Variants in RUNX1 observed in about 807,000 individuals in gnomAD.
RUNX1 encodes runt-related transcription factor 1.
RUNX1 carries 19 observed loss-of-function variants against 42.8 expected under a neutral mutation model. The ratio of observed to expected loss-of-function variants is 0.44; its 90% CI spans 0.31 to 0.65. The LOEUF is 0.65. Ranked by LOEUF, RUNX1 falls within the 30% of genes least tolerant of loss-of-function variation. RUNX1 has a pLI of 0.07. For missense variants in RUNX1, 528 were observed against 672.0 expected (o/e 0.79, Z 2.37); for synonymous variants, 271 against 289.4 (o/e 0.94, Z 0.64).
intron 7 of RUNX1, chr21:34,821,354 A>AT: frequency 8.3e-7 from 1 of 1,204,448 alleles, no homozygotes; most frequent in South Asian, 3.3e-5. Flanking sequence ...ATTTGATAAA[A>AT]ATATATCTCA....
intron 2 of RUNX1, among the ~76,000 whole-genome samples, chr21:34,895,396 T>C (rs2058121985): frequency 1.3e-5 from 2 of 152,084 alleles, no homozygotes; most frequent in Non-Finnish European, 2.9e-5. Flanking sequence ...AGTAAAGAAG[T>C]GTCATGGCTG....
chr21:34,855,392 A>G (rs2057481606), intron 6 of RUNX1, among the ~76,000 whole-genome samples: 2 of 152,144 alleles, frequency 1.3e-5, no homozygotes, highest in Admixed American at 1.3e-4. Context: ...GATCCTAGAA[A>G]TATAAAACAT....
At chr21:34,889,856 C>T in intron 3 of RUNX1, 2 of 1,092,826 alleles carry the variant, frequency 1.8e-6, no homozygotes, top group Non-Finnish European at 1.1e-6. Flanking sequence ...CCTCCACGCC[C>T]TCCCTGCCGG....
chr21:34,817,930 G>GT (rs1213172903), intron 7 of RUNX1, among the ~76,000 whole-genome samples: 34 of 152,218 alleles, frequency 2.2e-4, no homozygotes, highest in Non-Finnish European at 2.9e-4. Flanking sequence ...GTCTGCAGAC[G>GT]TAAGTCCTGG....
chr21:34,964,254 C>A (rs9981278), intron 2 of RUNX1, among the ~76,000 whole-genome samples: 2 of 151,956 alleles, frequency 1.3e-5, no homozygotes, highest in East Asian at 3.9e-4. Flanking sequence ...TATGGGAGGC[C>A]GAGGTGAGCA....
rs2056428952 is a variant in RUNX1 at position 34,791,181 on chromosome 21, A to C, written c.*954T>G. The C allele has an allele frequency of 8.6e-6, 2 of 233,474 alleles. No individual in the cohort carries two copies. The highest frequency in any genetic ancestry group is 1.8e-4 in the South Asian group (1 of 5,536). The allele number at this position is 233,474 out of a possible 1,614,324, so 14.5% of individuals were successfully genotyped here. On this transcript the variant is annotated 3_prime_UTR_variant, in exon 9 of 9. Transcript: ENST00000675419. ...CATGAAAGGGAGTTTAATGTAAACA[A>C]TACTTCTGGATAACCAAGCGATCAC...
chr21:35,014,814 T>A (rs1386564796), intron 2 of RUNX1, among the ~76,000 whole-genome samples: 2 of 152,204 alleles, frequency 1.3e-5, no homozygotes, highest in South Asian at 2.1e-4. Context: ...AGCCCTCAGC[T>A]CCCTGTAAAC....
intron 2 of RUNX1, among the ~76,000 whole-genome samples, chr21:35,004,172 T>C (rs933809406): frequency 6.6e-6 from 1 of 152,214 alleles, no homozygotes; most frequent in Non-Finnish European, 1.5e-5. Context: ...TGGTTATTCA[T>C]CGTGACTCTG....
intron 2 of RUNX1, among the ~76,000 whole-genome samples, chr21:35,004,678 T>C (rs1346778947): frequency 6.6e-6 from 1 of 152,250 alleles, no homozygotes; most frequent in Non-Finnish European, 1.5e-5. Context: ...ACCCCACTTC[T>C]AATGCTTCTG....
At chr21:34,878,305 C>T (rs1230777888) in intron 5 of RUNX1, among the ~76,000 whole-genome samples, 2 of 147,032 alleles carry the variant, frequency 1.4e-5, no homozygotes, top group African/African-American at 2.5e-5. Context: ...AGAGTCAAAT[C>T]GGGCCTTCAG....
chr21:34,799,755 T>C (rs2056582853), intron 7 of RUNX1, among the ~76,000 whole-genome samples: 1 of 152,200 alleles, frequency 6.6e-6, no homozygotes, highest in East Asian at 1.9e-4. Flanking sequence ...GGTAGAAGTA[T>C]TAATGTCCAG....
rs1289379828 is a variant in RUNX1 at position 34,880,615 on chromosome 21, G to A, written c.450C>T (p.Ala150=). The A allele has an allele frequency of 6.2e-7, 1 of 1,614,070 alleles. No individual in the cohort carries two copies. Among genetic ancestry groups the A allele is most frequent in the Admixed American group, 1.7e-5 (1 of 60,016 alleles). The change falls in exon 5 of 9, where the codon GCC becomes GCT. Residue 150 remains alanine, a synonymous_variant. Coordinates refer to ENST00000675419, the MANE Select transcript of RUNX1 (RefSeq NM_001754.5). ...YSAELRNATA[A]MKNQVARFND... is the part of the protein sequence containing the mutation. Reference sequence around the variant, plus strand: ...TAAATCTTGCAACCTGGTTCTTCATGGCTGCGGTAGCATTTCTCAGCTCAG... The same window carrying A: ...TAAATCTTGCAACCTGGTTCTTCATAGCTGCGGTAGCATTTCTCAGCTCAG...
intron 5 of RUNX1, among the ~76,000 whole-genome samples, chr21:34,877,413 C>T (rs755113404): frequency 5.3e-5 from 8 of 152,254 alleles, no homozygotes; most frequent in Non-Finnish European, 1.2e-4. Context: ...GCTCACATGA[C>T]CTCTGGAGTT....
At chr21:35,045,737 T>A (rs1417894506) in intron 2 of RUNX1, among the ~76,000 whole-genome samples, 1 of 152,198 alleles carries the variant, frequency 6.6e-6, no homozygotes, top group African/African-American at 2.4e-5. Flanking sequence ...AGAAGTGTCT[T>A]AATAAATATT....
chr21:34,867,633 T>C, intron 5 of RUNX1, among the ~76,000 whole-genome samples: 1 of 152,126 alleles, frequency 6.6e-6, no homozygotes. Context: ...ATATCACCTA[T>C]CCCACAAAAC....
At position 34,977,925 on chromosome 21, in the gene RUNX1, A is replaced by AT. The variant is rs140996531; in HGVS notation, c.58+70916dup. On this transcript the variant is annotated intron_variant, in intron 2 of 8. Transcript: ENST00000675419. The stretch of plus-strand genomic sequence containing the variant: ...GTCCAATGTCTTTAGAGTAAACAGC[A>AT]TTTTTTTTTTTTTTGAGACGGAGTC... Among the ~76,000 whole-genome samples the AT allele has an allele frequency of 4.1e-3, 594 of 144,960 alleles. 4 individuals are homozygous for AT. Among genetic ancestry groups the AT allele is most frequent in the Middle Eastern group, 0.011 (3 of 274 alleles).
chr21:35,044,448 T>C (rs2059382206), intron 2 of RUNX1, among the ~76,000 whole-genome samples: 1 of 152,330 alleles, frequency 6.6e-6, no homozygotes, highest in Non-Finnish European at 1.5e-5. Context: ...CAAAGCACCT[T>C]ACACAGATTA....
In RUNX1 at chr21:34,789,045, T is replaced by C. The variant is rs77715740; in HGVS notation, c.*3090A>G. On this transcript the variant is annotated 3_prime_UTR_variant, in exon 9 of 9. Transcript: ENST00000675419. ...AACCCAAGGCAGCAGAAAGGCTGTC[T>C]ATTTACTCACTGATTGTGATTTGCC... is the stretch of plus-strand genomic sequence containing the variant. 8.2e-4 allele frequency: 192 copies of C among 233,352 alleles called. 2 individuals carry two copies. In the East Asian group the frequency reaches 0.012, roughly 14 times the overall value. The allele number at this position is 233,352 out of a possible 1,614,324, so 14.5% of individuals were successfully genotyped here. A position where few individuals can be genotyped will look rare whatever the true frequency, so the allele number is the denominator to read the frequency against.
intron 7 of RUNX1, chr21:34,821,531 G>A: frequency 3.3e-6 from 5 of 1,517,682 alleles, no homozygotes; most frequent in Non-Finnish European, 4.5e-6. Flanking sequence ...AGGAATTACA[G>A]ACCCACATTC....
Sources: gnomAD v4.1 joint callset for allele counts (sites outside exome capture counted in the v4.1 genomes callset) on GRCh38, gnomAD v4.1.1 for gene constraint, MANE v1.5 for transcripts, NCBI Gene and HGNC (gene_info 2026-07-23, HGNC 2026-07-21) for gene names.